The following RFX3 variants were observed in gnomAD, a reference collection of about 807,000 sequenced individuals.
RFX3 encodes the protein regulatory factor X3, also known as transcription factor RFX3.
Under a neutral mutation model 98.6 loss-of-function variants are expected in RFX3, and 14 were observed. The observed-to-expected ratio is 0.14, with a 90% CI of 0.09 to 0.22. The LOEUF is 0.22. RFX3 is among the 10% of genes least tolerant of loss of function. The probability of loss-of-function intolerance (pLI) is 1.00; values close to 1 mark genes in which losing one functional copy is unlikely to be tolerated. For synonymous variants in RFX3, 383 were observed against 328.4 expected (o/e 1.17, Z -1.80); for missense variants, 639 against 926.9 (o/e 0.69, Z 4.03).
chr9:3,512,763 AG>A (rs1817773934), intron 1 of RFX3, among the ~76,000 whole-genome samples: 1 of 152,096 alleles, frequency 6.6e-6, no homozygotes, highest in African/African-American at 2.4e-5. Flanking sequence ...TAAAAATCAC[AG>A]TAAAGATTTT....
intron 1 of RFX3, among the ~76,000 whole-genome samples, chr9:3,510,431 T>C (rs534860019): frequency 1.3e-5 from 2 of 152,178 alleles, no homozygotes; most frequent in South Asian, 4.1e-4. Flanking sequence ...TACTCAAACA[T>C]AGAATAAGTG....
chr9:3,486,049 C>T (rs757309652), intron 1 of RFX3, among the ~76,000 whole-genome samples: 1 of 142,536 alleles, frequency 7.0e-6, no homozygotes, highest in Non-Finnish European at 1.5e-5. Flanking sequence ...CGCTTGAACC[C>T]AGGAGGCGGA....
chr9:3,435,808 A>AAC (rs1845074569), intron 1 of RFX3, among the ~76,000 whole-genome samples: 1 of 150,686 alleles, frequency 6.6e-6, no homozygotes, highest in East Asian at 1.9e-4. Context: ...ATTGTAAAAA[A>AAC]AAAAAAAAAA....
At chr9:3,472,931 G>C (rs1167806294) in intron 1 of RFX3, among the ~76,000 whole-genome samples, 4 of 152,166 alleles carry the variant, frequency 2.6e-5, no homozygotes, top group Non-Finnish European at 5.9e-5. Context: ...AGATGATCCA[G>C]AGTTGACTTA....
chr9:3,240,218 T>C (rs1200966868), intron 15 of RFX3, among the ~76,000 whole-genome samples: 1 of 152,216 alleles, frequency 6.6e-6, no homozygotes, highest in East Asian at 1.9e-4. Flanking sequence ...GGTAGGTGGA[T>C]AGAACAGATT....
chr9:3,323,899 T>C lies in RFX3; in HGVS notation c.474+6360A>G, dbSNP rs187042662. Reference sequence around the variant, plus strand: ...CTCTAGATCTTATCAGCTTCGAGGCTGGAGCAGTGTGGAACTGACTGACAG... The same window carrying C: ...CTCTAGATCTTATCAGCTTCGAGGCCGGAGCAGTGTGGAACTGACTGACAG... On this transcript the variant is annotated intron_variant, in intron 4 of 16. Coordinates refer to ENST00000617270, the MANE Select transcript of RFX3 (RefSeq NM_001282116.2). 1.0e-3 allele frequency: 253 copies of C among 247,394 alleles called. 2 individuals are homozygous for C. Among genetic ancestry groups the C allele is most frequent in the African/African-American group, 5.2e-3 (236 of 45,008 alleles). The allele number at this position is 247,394 out of a possible 1,614,324, so 15.3% of individuals were successfully genotyped here.
At chr9:3,425,223 A>G (rs533366055) in intron 1 of RFX3, among the ~76,000 whole-genome samples, 1 of 152,338 alleles carries the variant, frequency 6.6e-6, no homozygotes, top group East Asian at 1.9e-4. Context: ...TGGCAACACA[A>G]TGAGACCGTG....
intron 1 of RFX3, among the ~76,000 whole-genome samples, chr9:3,492,134 T>C (rs1321225674): frequency 6.6e-6 from 1 of 152,220 alleles, no homozygotes; most frequent in Non-Finnish European, 1.5e-5. Flanking sequence ...AATTAGGTGC[T>C]GGAGGATATA....
intron 1 of RFX3, among the ~76,000 whole-genome samples, chr9:3,446,025 T>A (rs1230102591): frequency 6.6e-6 from 1 of 152,118 alleles, no homozygotes; most frequent in Non-Finnish European, 1.5e-5. Context: ...TGTAGGTTTG[T>A]TTCCTGCAAA....
intron 1 of RFX3, among the ~76,000 whole-genome samples, chr9:3,486,002 G>A (rs1850236648): frequency 6.6e-6 from 1 of 151,822 alleles, no homozygotes; most frequent in East Asian, 1.9e-4. Flanking sequence ...CGCATTGCCT[G>A]TAATCCCAGC....
intron 9 of RFX3, among the ~76,000 whole-genome samples, chr9:3,272,792 T>A (rs1824675528): frequency 6.6e-6 from 1 of 152,166 alleles, no homozygotes; most frequent in Non-Finnish European, 1.5e-5. Context: ...GCAACTTGTA[T>A]AAAAAGTTAC....
chr9:3,393,155 T>C (rs867023090), intron 2 of RFX3, among the ~76,000 whole-genome samples: 1 of 151,864 alleles, frequency 6.6e-6, no homozygotes, highest in Non-Finnish European at 1.5e-5. Context: ...AAAATCAAGG[T>C]GCAGTAAAAT....
intron 1 of RFX3, chr9:3,490,408 G>T (rs936823805): frequency 1.0e-4 from 41 of 392,256 alleles, no homozygotes; most frequent in Non-Finnish European, 1.3e-4. Flanking sequence ...ATATGTAGAA[G>T]CCATGTGACT....
intron 7 of RFX3, among the ~76,000 whole-genome samples, chr9:3,287,232 G>A (rs971991510): frequency 4.9e-4 from 75 of 152,036 alleles, no homozygotes; most frequent in African/African-American, 1.8e-3. Flanking sequence ...AGCATGGATA[G>A]GGAGATGTGG....
chr9:3,431,120 C>T (rs914576502), intron 1 of RFX3, among the ~76,000 whole-genome samples: 3 of 152,274 alleles, frequency 2.0e-5, no homozygotes, highest in Non-Finnish European at 2.9e-5. Flanking sequence ...TGTGAGTGAG[C>T]TCAAGTGCTG....
intron 2 of RFX3, among the ~76,000 whole-genome samples, chr9:3,380,809 T>C (rs896691766): frequency 1.3e-5 from 2 of 152,182 alleles, no homozygotes; most frequent in African/African-American, 4.8e-5. Context: ...TTAACACAAT[T>C]AGTTAAGAAC....
intron 5 of RFX3, among the ~76,000 whole-genome samples, chr9:3,299,642 T>G (rs999824194): frequency 2.6e-5 from 4 of 151,274 alleles, no homozygotes; most frequent in African/African-American, 4.9e-5. Flanking sequence ...TATTATGTAA[T>G]AAAAAAAATG....
chr9:3,435,614 A>G (rs1000690797), intron 1 of RFX3, among the ~76,000 whole-genome samples: 1 of 151,818 alleles, frequency 6.6e-6, no homozygotes, highest in Non-Finnish European at 1.5e-5. Context: ...ATTTTTACAA[A>G]TTCCATTTAC....
intron 14 of RFX3, 99 bp downstream of exon 14, chr9:3,256,892 T>C (rs760565520): frequency 8.0e-6 from 9 of 1,127,656 alleles, no homozygotes; most frequent in African/African-American, 3.1e-5. Context: ...AAAGTCTTTA[T>C]TACTTTCTTT....
Sources: gnomAD v4.1 joint callset for allele counts (sites outside exome capture counted in the v4.1 genomes callset) on GRCh38, gnomAD v4.1.1 for gene constraint, MANE v1.5 for transcripts, NCBI Gene and HGNC (gene_info 2026-07-23, HGNC 2026-07-21) for gene names.